Variants in EFCAB8 observed in about 807,000 individuals in gnomAD.
The protein encoded by EFCAB8 is EF-hand calcium-binding domain-containing protein 8.
A neutral mutation model predicts 116.3 loss-of-function variants in EFCAB8; 100 were observed. The observed-to-expected ratio is 0.86, with a 90% CI of 0.73 to 1.02. The LOEUF (loss-of-function observed/expected upper bound fraction) is 1.02, where lower values mean the gene tolerates loss of function less well. EFCAB8 is among the 50% of genes least tolerant of loss of function. The probability of loss-of-function intolerance (pLI) is 0.00; values close to 1 mark genes in which losing one functional copy is unlikely to be tolerated. For missense variants in EFCAB8, 1,320 were observed against 1,416.9 expected, an observed-to-expected ratio of 0.93 and a Z score of 1.10; for synonymous variants, 558 against 567.9, an observed-to-expected ratio of 0.98 and a Z score of 0.25.
chr20:32,882,816 C>A (rs1195664397), intron 5 of EFCAB8, among the ~76,000 whole-genome samples: 1 of 152,174 alleles, frequency 6.6e-6, no homozygotes, highest in Non-Finnish European at 1.5e-5. Flanking sequence ...CTGCCTCAGC[C>A]TCCCGAGTAG....
At chr20:32,906,441 C>T in intron 11 of EFCAB8, 121 bp from the exon 12 acceptor site, 1 of 665,888 alleles carries the variant, frequency 1.5e-6, no homozygotes, top group Non-Finnish European at 2.8e-6. Flanking sequence ...GAGGTAGTGA[C>T]TCCTCCCTAG....
chr20:32,911,888 A>G (rs1407264679), intron 16 of EFCAB8, among the ~76,000 whole-genome samples, 181 bp downstream of exon 16: 1 of 152,190 alleles, frequency 6.6e-6, no homozygotes, highest in Non-Finnish European at 1.5e-5. Context: ...AAGACAGGTA[A>G]CAGTGCCTGG....
At chr20:32,879,690 A>T (rs938109262) in intron 5 of EFCAB8, among the ~76,000 whole-genome samples, 1 of 152,168 alleles carries the variant, frequency 6.6e-6, no homozygotes, top group East Asian at 1.9e-4. Flanking sequence ...AGCGTAATAC[A>T]TGGCGGAAAT....
At chr20:32,876,890 C>A (rs567641051) in intron 4 of EFCAB8, among the ~76,000 whole-genome samples, 1 of 152,248 alleles carries the variant, frequency 6.6e-6, no homozygotes, top group Admixed American at 6.5e-5. Context: ...ATTGTTTGAG[C>A]CCAGGAGGTT....
At chr20:32,918,049 G>A (rs78755076) in intron 18 of EFCAB8, among the ~76,000 whole-genome samples, 37 of 152,328 alleles carry the variant, frequency 2.4e-4, no homozygotes, top group Admixed American at 9.1e-4. Context: ...CTTTTTATCT[G>A]TTTTATGCTT....
chr20:32,895,313 ATT>A (rs11353110), intron 9 of EFCAB8, among the ~76,000 whole-genome samples: 42,651 of 127,702 alleles, frequency 0.33, 7,266 homozygotes, highest in Middle Eastern at 0.5. Context: ...TTTATTTAAG[ATT>A]TTTTTTTTTT....
intron 22 of EFCAB8, among the ~76,000 whole-genome samples, chr20:32,932,485 GAGTCTA>G (rs1412266970): frequency 6.6e-6 from 1 of 152,198 alleles, no homozygotes; most frequent in Non-Finnish European, 1.5e-5. Context: ...TTACAGCGAA[GAGTCTA>G]AGTCCCATTC....
intron 20 of EFCAB8, 138 bp downstream of exon 20, chr20:32,920,353 G>T: frequency 8.3e-7 from 1 of 1,198,276 alleles, no homozygotes; most frequent in Non-Finnish European, 1.1e-6. Context: ...ATCTTGGAGA[G>T]GATGGAGACG....
intron 17 of EFCAB8, among the ~76,000 whole-genome samples, chr20:32,913,150 C>T (rs902220402): frequency 1.3e-5 from 2 of 152,136 alleles, no homozygotes; most frequent in African/African-American, 2.4e-5. Context: ...TTAGTCCATT[C>T]GGGCTGCTGT....
At chr20:32,893,963 G>T (rs1482712299) in intron 9 of EFCAB8, among the ~76,000 whole-genome samples, 1 of 152,198 alleles carries the variant, frequency 6.6e-6, no homozygotes, top group Non-Finnish European at 1.5e-5. Flanking sequence ...AAGTCCGGCT[G>T]CCTGCCCTGG....
Position 32,931,163 on chromosome 20 carries a change from AC to A in EFCAB8, c.2632-14del. 4.6e-6 allele frequency: 7 copies of A among 1,526,546 alleles called. No individual in the cohort carries two copies. The highest frequency in any genetic ancestry group is 6.2e-6 in the Non-Finnish European group (7 of 1,134,576). 94.6% of individuals were successfully genotyped at this position (1,526,546 alleles called of 1,614,324 possible). ...TCAAGGGGTGTGAGGCCACTAACCC[AC>A]ACTTTATGTCTAGATCTGGGACATC... On this transcript the variant is annotated splice_polypyrimidine_tract_variant and intron_variant, in intron 21 of 26. Transcript: ENST00000400522.
chr20:32,882,306 A>G (rs904174372), intron 5 of EFCAB8, among the ~76,000 whole-genome samples: 2 of 152,084 alleles, frequency 1.3e-5, no homozygotes, highest in African/African-American at 4.8e-5. Flanking sequence ...AATATCGTCC[A>G]TTCACTTTGA....
chr20:32,872,071 A>G (rs1400543048), intron 3 of EFCAB8, among the ~76,000 whole-genome samples: 2 of 152,162 alleles, frequency 1.3e-5, no homozygotes, highest in African/African-American at 4.8e-5. Context: ...CTCTTTTAGC[A>G]AGGCATGATT....
chr20:32,930,391 T>G lies in EFCAB8; in HGVS notation c.2413-7T>G. ...CCTGCTGAGCCGGGCCCTCCTCTCT[T>G]CCTCAGATAATCTTCCTGCAGACCA... On this transcript the variant is annotated splice_polypyrimidine_tract_variant and splice_region_variant and intron_variant, in intron 20 of 26. Coordinates refer to ENST00000400522, the MANE Select transcript of EFCAB8 (RefSeq NM_001143967.2). 3 of 1,549,000 alleles carry G rather than the reference T, an allele frequency of 1.9e-6. No individual in the cohort carries two copies. Among genetic ancestry groups the G allele is most frequent in the Non-Finnish European group, 2.6e-6 (3 of 1,146,710 alleles).
intron 22 of EFCAB8, among the ~76,000 whole-genome samples, chr20:32,933,353 A>C (rs534021277): frequency 6.6e-6 from 1 of 152,354 alleles, no homozygotes; most frequent in South Asian, 2.1e-4. Context: ...CAAATAGATA[A>C]ATCATAATTG....
rs1466007045 is a variant in EFCAB8, at chr20:32,878,758, A to G, written c.382A>G (p.Lys128Glu). The stretch of plus-strand genomic sequence containing the variant: ...GTTCCAGGGAAAAGAGGACATGCGA[A>G]AGAGCCAGTACCGCCTGCACTTCTA... ...REFQGKEDMR[K>E]SQYRLHFYLP... is the part of the protein sequence containing the mutation. The change falls in exon 5 of 27, where the codon AAG (lysine) becomes GAG (glutamate). Residue 128 changes from lysine to glutamate, a missense_variant. Coordinates refer to ENST00000400522, the MANE Select transcript of EFCAB8 (RefSeq NM_001143967.2). 7 of 1,552,068 alleles carry G rather than the reference A, an allele frequency of 4.5e-6. No homozygotes were observed. In the South Asian group the frequency reaches 7.1e-5, roughly 16 times the overall value.
At position 32,893,191 on chromosome 20, in the gene EFCAB8, G is replaced by T. The variant is rs1260431388; in HGVS notation, c.776G>T (p.Gly259Val). The change falls in exon 9 of 27, where the codon GGT (glycine) becomes GTT (valine). Residue 259 changes from glycine (G) to valine (V), a missense_variant. Coordinates refer to ENST00000400522, the MANE Select transcript of EFCAB8 (RefSeq NM_001143967.2). ...VMDYWSDYHRGVFCYGDAKGN... is the reference protein window; with the variant it reads ...VMDYWSDYHRVVFCYGDAKGN... ...TTCTGCAGGTCTGACTATCACAGAG[G>T]TGTGTTCTGCTATGGAGACGCCAAA... The T allele has an allele frequency of 1.9e-6, 3 of 1,551,966 alleles. No homozygotes were observed. Among genetic ancestry groups the T allele is most frequent in the East Asian group, 2.4e-5 (1 of 40,890 alleles).
rs375904277 is a variant in EFCAB8 at position 32,883,250 on chromosome 20, C to T, written c.432-2255C>T. Among the ~76,000 whole-genome samples the T allele has an allele frequency of 9.2e-5, 14 of 152,278 alleles. No homozygotes were observed. The East Asian group carries it at 2.5e-3, about 27-fold the overall frequency. The stretch of plus-strand genomic sequence containing the variant: ...TCAAGATAATTTTATATCCTTCAGT[C>T]GTAGGGGTAGCTTCAGTTAATGTCC... On this transcript the variant is annotated intron_variant, in intron 5 of 26. Coordinates refer to ENST00000400522, the MANE Select transcript of EFCAB8 (RefSeq NM_001143967.2).
chr20:32,938,418 C>G (rs1037706451), intron 22 of EFCAB8, among the ~76,000 whole-genome samples: 1 of 149,520 alleles, frequency 6.7e-6, no homozygotes, highest in African/African-American at 2.5e-5. Context: ...GTTACTCTTG[C>G]CACCCCAATT....
Sources: gnomAD v4.1 joint callset for allele counts (sites outside exome capture counted in the v4.1 genomes callset) on GRCh38, gnomAD v4.1.1 for gene constraint, MANE v1.5 for transcripts, NCBI Gene and HGNC (gene_info 2026-07-23, HGNC 2026-07-21) for gene names.